The following PSD3 variants were observed in gnomAD, a reference collection of about 807,000 sequenced individuals.
PSD3 encodes pleckstrin and Sec7 domain containing 3, also known as PH and SEC7 domain-containing protein 3.
A neutral mutation model predicts 105.5 loss-of-function variants in PSD3; 49 were observed. The observed-to-expected ratio is 0.46, with a 90% CI of 0.37 to 0.59. The LOEUF (loss-of-function observed/expected upper bound fraction) is 0.59. Among genes scored for constraint, PSD3 ranks in the 20% least tolerant of loss-of-function variants. PSD3 has a pLI of 0.00. For missense variants in PSD3, 1,561 were observed against 1,263.8 expected (o/e 1.24, Z -3.57); for synonymous variants, 557 against 457.8 (o/e 1.22, Z -2.77).
chr8:18,803,416 T>TGTGTGTGTGTGTGG, intron 6 of PSD3: 2 of 152,276 alleles, frequency 1.3e-5, no homozygotes, highest in African/African-American at 4.9e-5. Flanking sequence ...TGTGTGTGTG[T>TGTGTGTGTGTGTGG]GTGTTAAACT....
chr8:18,844,429 C>G (rs1814910560), intron 4 of PSD3, among the ~76,000 whole-genome samples: 1 of 152,132 alleles, frequency 6.6e-6, no homozygotes, highest in African/African-American at 2.4e-5. Context: ...CACCTTTCCT[C>G]TTTTTAGTTC....
intron 15 of PSD3, among the ~76,000 whole-genome samples, chr8:18,539,999 T>C (rs1338218335): frequency 6.6e-6 from 1 of 152,122 alleles, no homozygotes; most frequent in Non-Finnish European, 1.5e-5. Context: ...TTCGTACTAA[T>C]GGAACTGTGC....
At chr8:18,566,784 A>T (rs1299771080) in intron 14 of PSD3, among the ~76,000 whole-genome samples, 1 of 152,138 alleles carries the variant, frequency 6.6e-6, no homozygotes, top group Non-Finnish European at 1.5e-5. Context: ...ATTATACTAC[A>T]TATGCATGTT....
chr8:19,033,926 T>C lies in PSD3; in HGVS notation c.324+50280A>G, dbSNP rs2129476380. Among the ~76,000 whole-genome samples, 2 of 152,274 alleles carry C rather than the reference T, an allele frequency of 1.3e-5. 1 individual carries two copies. The highest frequency in any genetic ancestry group is 6.8e-3 in the Middle Eastern group (2 of 294). On this transcript the variant is annotated intron_variant, in intron 1 of 1. Transcript: ENST00000521475. ...TGTTATTTAAATCTAGATTGGTTCA[T>C]TGCCCTCTCACTGATAGAGGGGTTA...
chr8:18,981,429 T>C (rs1342841855), intron 1 of PSD3, among the ~76,000 whole-genome samples: 1 of 152,138 alleles, frequency 6.6e-6, no homozygotes, highest in East Asian at 1.9e-4. Context: ...TGGGTGACCT[T>C]GGATAAGGTA....
intron 1 of PSD3, among the ~76,000 whole-genome samples, chr8:18,937,365 T>C (rs1822207949): frequency 6.6e-6 from 1 of 152,220 alleles, no homozygotes; most frequent in Non-Finnish European, 1.5e-5. Flanking sequence ...TGACTGACCA[T>C]TCACTTTGGG....
chr8:19,020,432 C>T (rs1014269030), intron 1 of PSD3, among the ~76,000 whole-genome samples: 6 of 151,934 alleles, frequency 3.9e-5, no homozygotes, highest in South Asian at 2.1e-4. Context: ...TCTTGCCTGG[C>T]GTGTTTTGAG....
At chr8:18,732,337 G>A (rs984602437) in intron 9 of PSD3, among the ~76,000 whole-genome samples, 1 of 152,226 alleles carries the variant, frequency 6.6e-6, no homozygotes, top group Non-Finnish European at 1.5e-5. Context: ...AGATTAGGAA[G>A]CTACAAATCC....
At chr8:18,616,452 C>G (rs893907729) in intron 11 of PSD3, among the ~76,000 whole-genome samples, 3 of 152,102 alleles carry the variant, frequency 2.0e-5, no homozygotes, top group South Asian at 2.1e-4. Context: ...GGCCTTCCCT[C>G]GTCTGGATCT....
At chr8:18,543,152 C>G (rs187100171) in intron 15 of PSD3, among the ~76,000 whole-genome samples, 1 of 152,064 alleles carries the variant, frequency 6.6e-6, no homozygotes, top group Non-Finnish European at 1.5e-5. Context: ...CTAAAATTTG[C>G]TGTTTTGATA....
chr8:19,033,526 T>C (rs1167675772), intron 1 of PSD3, among the ~76,000 whole-genome samples: 2 of 152,008 alleles, frequency 1.3e-5, no homozygotes, highest in African/African-American at 4.8e-5. Flanking sequence ...TCCTTCCTTC[T>C]CTGCTTTGAG....
At chr8:18,970,726 G>A (rs1055666150) in intron 1 of PSD3, among the ~76,000 whole-genome samples, 1 of 152,080 alleles carries the variant, frequency 6.6e-6, no homozygotes, top group African/African-American at 2.4e-5. Context: ...AGGTGAAGGT[G>A]GGAGGAACAT....
At chr8:18,606,356 C>G (rs562121552) in intron 11 of PSD3, among the ~76,000 whole-genome samples, 18 of 152,192 alleles carry the variant, frequency 1.2e-4, no homozygotes, top group African/African-American at 3.9e-4. Flanking sequence ...GCTTAGCATC[C>G]CCAGGGTTGG....
chr8:18,576,542 T>A (rs768068520), intron 12 of PSD3, among the ~76,000 whole-genome samples: 9 of 152,190 alleles, frequency 5.9e-5, no homozygotes. Context: ...TTGTCATTTT[T>A]TAAATGAGAT....
At chr8:18,773,913 C>T (rs1030560024) in intron 8 of PSD3, among the ~76,000 whole-genome samples, 4 of 152,092 alleles carry the variant, frequency 2.6e-5, no homozygotes, top group African/African-American at 9.7e-5. Context: ...TTTACAGTTC[C>T]TTTCTTCAGT....
At position 18,871,678 on chromosome 8, in the gene PSD3, C is replaced by T. The variant is rs201807083; in HGVS notation, c.1186G>A (p.Glu396Lys). The change falls in exon 3 of 16, where the codon GAA becomes AAA. Residue 396 changes from glutamate to lysine, a missense_variant. By Grantham distance (56) the Glu-to-Lys change is moderately conservative (BLOSUM62 1). Transcript: ENST00000327040. ...GTCTTCTCAAGATGCTGTTTGTTTTCCTGTAGGAAGACTTCATCCTCTCCA... is the reference window on the plus strand; with the variant it reads ...GTCTTCTCAAGATGCTGTTTGTTTTTCTGTAGGAAGACTTCATCCTCTCCA... Reference protein sequence around the residue: ...ESGEDEVFLQENKQHLEKTPK... With the variant: ...ESGEDEVFLQKNKQHLEKTPK... 2.9e-4 allele frequency: 469 copies of T among 1,613,534 alleles called. No homozygotes were observed. Among genetic ancestry groups the T allele is most frequent in the Non-Finnish European group, 3.9e-4 (455 of 1,179,790 alleles).
chr8:19,014,646 CAAAG>C (rs1224048770), upstream of PSD3, among the ~76,000 whole-genome samples: 1 of 152,158 alleles, frequency 6.6e-6, no homozygotes, highest in Non-Finnish European at 1.5e-5. This position sits in a 1 kb window ranked among gnomAD's most constrained non-coding sequence, Gnocchi z 4.9. Context: ...CTTATTGTTC[CAAAG>C]AACAGTCTTT....
Position 18,574,829 on chromosome 8 carries a change from C to T in PSD3, c.2639+299G>A, listed in dbSNP as rs115761118. On this transcript the variant is annotated intron_variant, in intron 13 of 15. Coordinates refer to ENST00000327040, the MANE Select transcript of PSD3 (RefSeq NM_015310.4). Reference sequence around the variant, plus strand: ...ATCTAGGTCTGTTTTACTCATTTTGCGATAAAACTTGTCTACTAAAACCCT... The same window carrying T: ...ATCTAGGTCTGTTTTACTCATTTTGTGATAAAACTTGTCTACTAAAACCCT... Among the ~76,000 whole-genome samples, 162 of 152,174 alleles carry T rather than the reference C, an allele frequency of 1.1e-3. 1 individual carries two copies. Among genetic ancestry groups the T allele is most frequent in the African/African-American group, 2.7e-3 (113 of 41,514 alleles).
At chr8:18,552,829 T>C (rs575393624) in intron 15 of PSD3, among the ~76,000 whole-genome samples, 19 of 152,308 alleles carry the variant, frequency 1.2e-4, no homozygotes, top group East Asian at 1.2e-3. Context: ...TTCAGTAACA[T>C]CCCTTCGCTT....
Sources: gnomAD v4.1 joint callset for allele counts (sites outside exome capture counted in the v4.1 genomes callset) on GRCh38, gnomAD v4.1.1 for gene constraint, Gnocchi (gnomAD v3.1) non-coding constraint, MANE v1.5 for transcripts, NCBI Gene and HGNC (gene_info 2026-07-23, HGNC 2026-07-21) for gene names.